Variants in DYNC2H1 observed in about 807,000 individuals in gnomAD.
The protein encoded by DYNC2H1 is cytoplasmic dynein 2 heavy chain 1.
DYNC2H1 carries 410 observed loss-of-function variants against 570.0 expected under a neutral mutation model. That is an observed-to-expected ratio of 0.72 (90% CI 0.66 to 0.78). The LOEUF (loss-of-function observed/expected upper bound fraction) is 0.78, where lower values mean the gene tolerates loss of function less well. DYNC2H1 is among the 30% of genes least tolerant of loss of function. The probability of loss-of-function intolerance (pLI) is 0.00; values close to 1 mark genes in which losing one functional copy is unlikely to be tolerated. For missense variants in DYNC2H1, 4,865 were observed against 5,046.4 expected, an observed-to-expected ratio of 0.96 and a Z score of 1.09; for synonymous variants, 1,688 against 1,677.6, an observed-to-expected ratio of 1.01 and a Z score of -0.15.
chr11:103,377,002 G>A (rs930650423), intron 83 of DYNC2H1, among the ~76,000 whole-genome samples: 4 of 152,040 alleles, frequency 2.6e-5, no homozygotes, highest in Non-Finnish European at 4.4e-5. Flanking sequence ...TGTCTAGTGG[G>A]GATTCCCTTA....
chr11:103,347,834 G>A (rs189118576), intron 82 of DYNC2H1, among the ~76,000 whole-genome samples: 32 of 152,142 alleles, frequency 2.1e-4, no homozygotes, highest in Non-Finnish European at 4.3e-4. Flanking sequence ...CACTTTTCAA[G>A]TCCCCCTCAC....
intron 65 of DYNC2H1, among the ~76,000 whole-genome samples, chr11:103,248,975 A>G (rs1864728386): frequency 6.6e-6 from 1 of 152,100 alleles, no homozygotes; most frequent in Non-Finnish European, 1.5e-5. Flanking sequence ...GAAAGGACCC[A>G]GAGACCAACT....
At chr11:103,381,835 A>G (rs533239147) in intron 83 of DYNC2H1, among the ~76,000 whole-genome samples, 2 of 152,350 alleles carry the variant, frequency 1.3e-5, no homozygotes, top group East Asian at 1.9e-4. Flanking sequence ...TTGGTAAAAT[A>G]TATATTTAAG....
At chr11:103,468,793 A>G (rs1945276733) in intron 88 of DYNC2H1, 88 bp downstream of exon 88, 3 of 1,077,844 alleles carry the variant, frequency 2.8e-6, no homozygotes, top group African/African-American at 1.6e-5. Flanking sequence ...TGGCCTGTGT[A>G]TTTTTGTTTG....
At chr11:103,138,272 G>A (rs1009268339) in intron 17 of DYNC2H1, among the ~76,000 whole-genome samples, 2 of 151,914 alleles carry the variant, frequency 1.3e-5, no homozygotes, top group East Asian at 1.9e-4. Flanking sequence ...ATGTTGAATA[G>A]GAGTGGTGAG....
rs1862047123 is a variant in DYNC2H1 at position 103,185,935 on chromosome 11, A to T, written c.6634-307A>T. ...AAATGAAGGGCTTTAGGATTTCTGC[A>T]TTCTGTACTTTGTGATTTAATGTTA... is the stretch of plus-strand genomic sequence containing the variant. On this transcript the variant is annotated intron_variant, in intron 41 of 88. Coordinates refer to ENST00000375735, the MANE Select transcript of DYNC2H1 (RefSeq NM_001377.3). This position sits in a 1 kb window ranked among gnomAD's most constrained non-coding sequence, Gnocchi z 4.5. 6.6e-6 allele frequency among the ~76,000 whole-genome samples: 1 copy of T among 151,986 alleles called. No individual in the cohort carries two copies. Among genetic ancestry groups the T allele is most frequent in the African/African-American group, 2.4e-5 (1 of 41,434 alleles).
At chr11:103,409,915 C>T (rs2135681709) in intron 84 of DYNC2H1, among the ~76,000 whole-genome samples, 1 of 152,140 alleles carries the variant, frequency 6.6e-6, no homozygotes, top group Non-Finnish European at 1.5e-5. Context: ...TCATCTTTCC[C>T]TTATGGTACT....
chr11:103,374,534 G>A (rs1312264464), intron 83 of DYNC2H1, among the ~76,000 whole-genome samples: 1 of 152,194 alleles, frequency 6.6e-6, no homozygotes, highest in East Asian at 1.9e-4. Context: ...AGACAGGAAG[G>A]TGTGGGAAAG....
intron 83 of DYNC2H1, among the ~76,000 whole-genome samples, chr11:103,380,155 CT>C (rs2135576526): frequency 6.6e-6 from 1 of 152,312 alleles, no homozygotes; most frequent in African/African-American, 2.4e-5. Context: ...AGGTTCTCAT[CT>C]TTTCCCATTA....
intron 52 of DYNC2H1, among the ~76,000 whole-genome samples, chr11:103,206,329 A>C (rs1458232209): frequency 6.6e-6 from 1 of 152,194 alleles, no homozygotes; most frequent in Non-Finnish European, 1.5e-5. Flanking sequence ...CTTCAGTTTT[A>C]GATGTGTTAA....
rs1212744321 is a variant in DYNC2H1, at chr11:103,203,729, C to G, written c.8264C>G (p.Ala2755Gly). ...EPLLLPLKDQ[A>G]SQDGFFGPVF... ...TTGCTGTTACCACTTAAGGATCAAG[C>G]TTCACAAGATGGTTTTTTTGGACCA... The change falls in exon 51 of 89, where the codon GCT becomes GGT. Residue 2755 changes from alanine to glycine, a missense_variant. Around this residue, in one of 5 missense-constraint regions of DYNC2H1, gnomAD observed 2,401 missense variants for 2,454.6 expected, o/e 0.98. Coordinates refer to ENST00000375735, the MANE Select transcript of DYNC2H1 (RefSeq NM_001377.3). This position sits in a 1 kb window ranked among gnomAD's most constrained non-coding sequence, Gnocchi z 4.7. 6.2e-7 allele frequency: 1 copy of G among 1,612,346 alleles called. No individual in the cohort carries two copies.
chr11:103,182,298 A>G (rs535393182), intron 40 of DYNC2H1, among the ~76,000 whole-genome samples: 9 of 150,758 alleles, frequency 6.0e-5, no homozygotes, highest in Non-Finnish European at 5.9e-5. Context: ...ACCTATATAT[A>G]CCAATAAATA....
intron 86 of DYNC2H1, 149 bp from the exon 87 acceptor site, chr11:103,456,126 C>A: frequency 1.8e-6 from 1 of 542,708 alleles, no homozygotes. Flanking sequence ...AGTGTGAACT[C>A]TGACATATTA....
intron 83 of DYNC2H1, among the ~76,000 whole-genome samples, chr11:103,381,944 C>G (rs1941666523): frequency 6.6e-6 from 1 of 151,880 alleles, no homozygotes; most frequent in African/African-American, 2.4e-5. Flanking sequence ...GTAATTTTTC[C>G]TGGTATTCTG....
intron 52 of DYNC2H1, among the ~76,000 whole-genome samples, chr11:103,207,449 A>G (rs1862985611): frequency 6.6e-6 from 1 of 152,076 alleles, no homozygotes; most frequent in Admixed American, 6.6e-5. Context: ...TGATAACAGG[A>G]AAGAAAGCAG....
chr11:103,408,735 T>C (rs1184557673), intron 84 of DYNC2H1, among the ~76,000 whole-genome samples: 3 of 152,044 alleles, frequency 2.0e-5, no homozygotes, highest in African/African-American at 7.2e-5. Flanking sequence ...GATTACACTG[T>C]TATCCGTAGG....
In DYNC2H1 at chr11:103,235,740, A is replaced by T. The variant is rs1218841659; in HGVS notation, c.9636A>T (p.Thr3212=). 6.2e-7 allele frequency: 1 copy of T among 1,611,762 alleles called. No individual in the cohort carries two copies. Among genetic ancestry groups the T allele is most frequent in the Non-Finnish European group, 8.5e-7 (1 of 1,178,570 alleles). ...CTCAACTTGCTGCTGCATTTATTAC[A>T]TATCTTTCTGCTGCTCCTGAATCTC... ...KRAQLAAAFI[T]YLSAAPESLR... is the part of the protein sequence containing the mutation. Residue 3212 remains threonine (T), a synonymous_variant, in exon 62 of 89, where the codon ACA becomes ACT. Coordinates refer to ENST00000375735, the MANE Select transcript of DYNC2H1 (RefSeq NM_001377.3).
chr11:103,290,638 C>A (rs544596309), intron 75 of DYNC2H1, among the ~76,000 whole-genome samples: 1 of 152,232 alleles, frequency 6.6e-6, no homozygotes, highest in African/African-American at 2.4e-5. Flanking sequence ...GAAACTCTGT[C>A]TTTGTCTCAA....
At chr11:103,142,105 G>C (rs546471746) in intron 17 of DYNC2H1, among the ~76,000 whole-genome samples, 1 of 152,328 alleles carries the variant, frequency 6.6e-6, no homozygotes, top group South Asian at 2.1e-4. Flanking sequence ...TCCAGGTGCC[G>C]TCTGTCACCC....
Sources: gnomAD v4.1 joint callset for allele counts (sites outside exome capture counted in the v4.1 genomes callset) on GRCh38, gnomAD v4.1.1 for gene constraint, gnomAD v4.1.1 regional missense constraint, Gnocchi (gnomAD v3.1) non-coding constraint, MANE v1.5 for transcripts, NCBI Gene and HGNC (gene_info 2026-07-23, HGNC 2026-07-21) for gene names.